Variants in CDK19 observed in about 807,000 individuals in gnomAD.
CDK19 encodes cyclin dependent kinase 19, also known as cyclin-dependent kinase 19.
In CDK19, 20 loss-of-function variants were observed where a neutral mutation model predicts 68.3. The observed-to-expected ratio is 0.29, with a 90% CI of 0.21 to 0.43. The LOEUF (loss-of-function observed/expected upper bound fraction) is 0.43, where lower values mean the gene tolerates loss of function less well. Among genes scored for constraint, CDK19 ranks in the 20% least tolerant of loss-of-function variants. The pLI, the probability that CDK19 is intolerant of heterozygous loss-of-function variation, is 1.00. For synonymous variants in CDK19, 221 were observed against 222.8 expected (o/e 0.99, Z 0.07); for missense variants, 339 against 623.5 (o/e 0.54, Z 4.86).
rs149658751 is a variant in CDK19, at chr6:110,791,191, C to A, written c.128+23818G>T. Among the ~76,000 whole-genome samples, 816 of 150,672 alleles carry A rather than the reference C, an allele frequency of 5.4e-3. 4 individuals are homozygous for A. The highest frequency in any genetic ancestry group is 0.019 in the African/African-American group (771 of 40,842). On this transcript the variant is annotated intron_variant, in intron 1 of 12. Coordinates refer to ENST00000368911, the MANE Select transcript of CDK19 (RefSeq NM_015076.5). Reference sequence around the variant, plus strand: ...GTCTCAAAAAAAAAAAAATTTAATTCATTAATTAATTAATTAAATAAAAAT... The same window carrying A: ...GTCTCAAAAAAAAAAAAATTTAATTAATTAATTAATTAATTAAATAAAAAT...
intron 2 of CDK19, among the ~76,000 whole-genome samples, chr6:110,719,043 G>A (rs1290255987): frequency 1.3e-5 from 2 of 152,090 alleles, no homozygotes. Flanking sequence ...AAATGCAAGC[G>A]TAACTACTAA....
chr6:110,814,918 C>T (rs1324407181), intron 1 of CDK19, 91 bp downstream of exon 1: 6 of 1,550,042 alleles, frequency 3.9e-6, no homozygotes, highest in African/African-American at 1.4e-5. Context: ...CCCTCGGGCA[C>T]GGCCCGACTG....
chr6:110,630,281 G>C (rs543884790), intron 6 of CDK19, among the ~76,000 whole-genome samples: 1 of 152,204 alleles, frequency 6.6e-6, no homozygotes, highest in Non-Finnish European at 1.5e-5. Flanking sequence ...TAAGTCTAAG[G>C]TATATGGATT....
At chr6:110,763,557 A>G (rs1779375215) in intron 1 of CDK19, among the ~76,000 whole-genome samples, 1 of 151,860 alleles carries the variant, frequency 6.6e-6, no homozygotes, top group Non-Finnish European at 1.5e-5. Flanking sequence ...CTGGGATTAC[A>G]GGCATAAGCC....
intron 4 of CDK19, among the ~76,000 whole-genome samples, chr6:110,663,229 TAGAA>T (rs1781723157): frequency 6.6e-6 from 1 of 152,134 alleles, no homozygotes; most frequent in Non-Finnish European, 1.5e-5. Flanking sequence ...CTTACAGCAA[TAGAA>T]AATGAAGCAT....
chr6:110,775,746 A>C (rs1484247674), intron 1 of CDK19, among the ~76,000 whole-genome samples: 5 of 152,266 alleles, frequency 3.3e-5, no homozygotes, highest in Non-Finnish European at 7.3e-5. Context: ...TAAATTTAAA[A>C]GAGAGAGGCA....
chr6:110,709,233 T>C (rs1031733868), intron 2 of CDK19, among the ~76,000 whole-genome samples: 2 of 152,152 alleles, frequency 1.3e-5, no homozygotes, highest in African/African-American at 2.4e-5. Flanking sequence ...TACTGAAAAC[T>C]GGAAGCATTC....
At chr6:110,721,899 G>A (rs1335493940) in intron 2 of CDK19, among the ~76,000 whole-genome samples, 1 of 152,174 alleles carries the variant, frequency 6.6e-6, no homozygotes, top group Non-Finnish European at 1.5e-5. Context: ...GGGAGACAGA[G>A]GTTGCAGTGA....
chr6:110,779,637 T>C (rs1387259666), intron 1 of CDK19, among the ~76,000 whole-genome samples: 2 of 152,180 alleles, frequency 1.3e-5, no homozygotes, highest in Non-Finnish European at 2.9e-5. Context: ...AGACCTTGGC[T>C]GGGCACGGTG....
chr6:110,787,737 C>T (rs1480753466), intron 1 of CDK19, among the ~76,000 whole-genome samples: 1 of 152,206 alleles, frequency 6.6e-6, no homozygotes, highest in African/African-American at 2.4e-5. Flanking sequence ...GCCATGACAC[C>T]TGGCAGGTTT....
chr6:110,694,783 C>T (rs1051936879), intron 2 of CDK19, among the ~76,000 whole-genome samples: 1 of 152,080 alleles, frequency 6.6e-6, no homozygotes, highest in African/African-American at 2.4e-5. Context: ...TTAAGGAAAT[C>T]GAAATTATAT....
intron 2 of CDK19, among the ~76,000 whole-genome samples, chr6:110,680,672 G>A (rs756084096): frequency 2.0e-5 from 3 of 152,072 alleles, no homozygotes; most frequent in Admixed American, 6.6e-5. Context: ...TTAATTACTC[G>A]AGGAAAGACT....
intron 2 of CDK19, among the ~76,000 whole-genome samples, chr6:110,690,361 T>C (rs1039706257): frequency 1.3e-5 from 2 of 152,106 alleles, no homozygotes; most frequent in Admixed American, 1.3e-4. Flanking sequence ...GTCTAGGAGA[T>C]AGATAGCTTC....
At position 110,657,184 on chromosome 6, in the gene CDK19, A is replaced by G. The variant is rs73763401; in HGVS notation, c.456+10250T>C. Among the ~76,000 whole-genome samples the G allele has an allele frequency of 2.7e-3, 408 of 152,322 alleles. 2 individuals carry two copies. Among genetic ancestry groups the G allele is most frequent in the African/African-American group, 9.4e-3 (392 of 41,568 alleles). ...TCTGTGCGGAGAGTAGCAGGTCCAGATGAAAACCCAGTTCTCTCAGAGATG... is the reference window on the plus strand; with the variant it reads ...TCTGTGCGGAGAGTAGCAGGTCCAGGTGAAAACCCAGTTCTCTCAGAGATG... On this transcript the variant is annotated intron_variant, in intron 4 of 12. Coordinates refer to ENST00000368911, the MANE Select transcript of CDK19 (RefSeq NM_015076.5).
intron 1 of CDK19, among the ~76,000 whole-genome samples, chr6:110,765,438 G>A (rs528040866): frequency 3.3e-5 from 5 of 151,972 alleles, no homozygotes; most frequent in African/African-American, 9.6e-5. Flanking sequence ...CAGCACTTTG[G>A]GAGGCCGAGG....
In CDK19 at chr6:110,621,118, G is replaced by A. The variant is rs1228619572; in HGVS notation, c.1363C>T (p.Pro455Ser). 8 of 1,613,076 alleles carry A rather than the reference G, an allele frequency of 5.0e-6. No individual in the cohort carries two copies. Among genetic ancestry groups the A allele is most frequent in the African/African-American group, 1.3e-5 (1 of 74,892 alleles). ...SGANSGGPVMPSDYQHSSSRL... is the reference protein window; with the variant it reads ...SGANSGGPVMSSDYQHSSSRL... The stretch of plus-strand genomic sequence containing the variant: ...TCAGGGAGTACCTGATAATCCGAGG[G>A]CATCACAGGTCCACCTGAGTTTGCG... The change falls in exon 12 of 13, where the codon CCC becomes TCC. Residue 455 changes from proline to serine, a missense_variant. Coordinates refer to ENST00000368911, the MANE Select transcript of CDK19 (RefSeq NM_015076.5). This position sits in a 1 kb window ranked among gnomAD's most constrained non-coding sequence, Gnocchi z 5.4.
chr6:110,619,737 AC>A (rs1257020174), intron 12 of CDK19, among the ~76,000 whole-genome samples: 2 of 151,376 alleles, frequency 1.3e-5, no homozygotes, highest in Non-Finnish European at 2.9e-5. Flanking sequence ...ACTGATCCCC[AC>A]CCTGCTCTTT....
At chr6:110,679,611 T>G (rs865939994) in intron 2 of CDK19, among the ~76,000 whole-genome samples, 3 of 152,164 alleles carry the variant, frequency 2.0e-5, no homozygotes, top group Non-Finnish European at 4.4e-5. Flanking sequence ...AAACTGTCTC[T>G]AAAAACATAA....
chr6:110,762,920 T>A (rs1779324013), intron 1 of CDK19, among the ~76,000 whole-genome samples: 1 of 152,226 alleles, frequency 6.6e-6, no homozygotes, highest in South Asian at 2.1e-4. Context: ...CAATCAAATA[T>A]TTGATGAATT....
Sources: allele counts gnomAD v4.1 joint callset (sites outside exome capture counted in the v4.1 genomes callset), GRCh38; gene constraint gnomAD v4.1.1; non-coding constraint Gnocchi (gnomAD v3.1); transcripts MANE v1.5; gene names NCBI Gene and HGNC (gene_info 2026-07-23, HGNC 2026-07-21).